Variants in TRAPPC8 observed in about 807,000 individuals in gnomAD.
TRAPPC8 encodes trafficking protein particle complex subunit 8.
In TRAPPC8, 54 loss-of-function variants were observed where a neutral mutation model predicts 174.3. The ratio of observed to expected loss-of-function variants is 0.31; its 90% CI spans 0.25 to 0.39. The LOEUF is 0.39. Ranked by LOEUF, TRAPPC8 falls within the 10% of genes least tolerant of loss-of-function variation. The probability of loss-of-function intolerance (pLI) is 1.00; values close to 1 mark genes in which losing one functional copy is unlikely to be tolerated. For missense variants in TRAPPC8, 1,531 were observed against 1,699.1 expected, an observed-to-expected ratio of 0.90 and a Z score of 1.74; for synonymous variants, 630 against 579.9, an observed-to-expected ratio of 1.09 and a Z score of -1.24.
intron 12 of TRAPPC8, among the ~76,000 whole-genome samples, chr18:31,882,458 G>C (rs560969826): frequency 5.9e-5 from 9 of 151,994 alleles, no homozygotes; most frequent in Non-Finnish European, 1.0e-4. Context: ...CAAAAGGGGA[G>C]AAAGAGGAAG....
chr18:31,901,459 TTC>T (rs1181744094), intron 9 of TRAPPC8, among the ~76,000 whole-genome samples: 1 of 152,224 alleles, frequency 6.6e-6, no homozygotes, highest in Non-Finnish European at 1.5e-5. Flanking sequence ...ATTTATATTA[TTC>T]TCTTTCTACT....
chr18:31,873,406 T>G, intron 14 of TRAPPC8, 24 bp downstream of exon 14: 1 of 1,559,246 alleles, frequency 6.4e-7, no homozygotes, highest in Non-Finnish European at 8.8e-7. Context: ...ATTAGGTAAT[T>G]AGGCTAAATA....
intron 12 of TRAPPC8, among the ~76,000 whole-genome samples, chr18:31,880,100 T>A (rs868092646): frequency 0.031 from 2,048 of 66,038 alleles, 91 homozygotes; most frequent in African/African-American, 0.11. Context: ...AATATATATA[T>A]ATATATATAT....
At position 31,886,454 on chromosome 18, in the gene TRAPPC8, C is replaced by T. The variant is rs114245795; in HGVS notation, c.1728+4281G>A. Among the ~76,000 whole-genome samples, 840 of 150,858 alleles carry T rather than the reference C, an allele frequency of 5.6e-3. 5 individuals carry two copies. Among genetic ancestry groups the T allele is most frequent in the African/African-American group, 0.019 (799 of 41,038 alleles). On this transcript the variant is annotated intron_variant, in intron 12 of 28. Coordinates refer to ENST00000283351, the MANE Select transcript of TRAPPC8 (RefSeq NM_014939.5). ...AAGAGTTGAATGTGTCTTGTGTGTTCAAGTGGATTTTCGAATGTGTTCAAG... is the reference window on the plus strand; with the variant it reads ...AAGAGTTGAATGTGTCTTGTGTGTTTAAGTGGATTTTCGAATGTGTTCAAG...
intron 5 of TRAPPC8, among the ~76,000 whole-genome samples, chr18:31,911,822 C>T (rs2145504177): frequency 6.7e-6 from 1 of 148,404 alleles, no homozygotes; most frequent in Non-Finnish European, 1.5e-5. Flanking sequence ...ACCTGTAATC[C>T]CAGCACTTTG....
Position 31,839,454 on chromosome 18 carries a change from G to A in TRAPPC8, c.3841C>T (p.Pro1281Ser), listed in dbSNP as rs1187175507. The A allele has an allele frequency of 1.9e-6, 3 of 1,579,426 alleles. No individual in the cohort carries two copies. Among genetic ancestry groups the A allele is most frequent in the African/African-American group, 2.8e-5 (2 of 72,608 alleles). Residue 1281 changes from proline to serine, a missense_variant, in exon 27 of 29, where the codon CCA becomes TCA. Physicochemically the swap from Pro to Ser is moderately conservative, Grantham distance 74 (BLOSUM62 -1). Coordinates refer to ENST00000283351, the MANE Select transcript of TRAPPC8 (RefSeq NM_014939.5). Reference sequence around the variant, plus strand: ...AATTTCAATAGTTCCATTTCTGGTGGCTCCTGAGAAAAGAAAGAAAAAACA... The same window carrying A: ...AATTTCAATAGTTCCATTTCTGGTGACTCCTGAGAAAAGAAAGAAAAAACA... ...EAFSYPQKQE[P>S]PEMELLKFFR...
At chr18:31,922,323 T>C (rs1598743231) in intron 2 of TRAPPC8, among the ~76,000 whole-genome samples, 1 of 152,236 alleles carries the variant, frequency 6.6e-6, no homozygotes, top group Non-Finnish European at 1.5e-5. Flanking sequence ...CTGGGCGTGG[T>C]GGCTCATGCC....
At chr18:31,854,917 G>T (rs1380915711) in intron 21 of TRAPPC8, among the ~76,000 whole-genome samples, 1 of 127,094 alleles carries the variant, frequency 7.9e-6, no homozygotes, top group Non-Finnish European at 1.6e-5. Context: ...AGTGAGCAGA[G>T]ATCGCGCCAC....
intron 1 of TRAPPC8, among the ~76,000 whole-genome samples, chr18:31,942,211 G>A (rs1220429257): frequency 2.6e-5 from 4 of 152,182 alleles, no homozygotes; most frequent in African/African-American, 7.2e-5. Context: ...GAGGATGACA[G>A]GTCTTCCTTA....
At position 31,909,815 on chromosome 18, in the gene TRAPPC8, T is replaced by A. The variant is rs1263728764; in HGVS notation, c.772-55A>T. 3 of 1,192,432 alleles carry A rather than the reference T, an allele frequency of 2.5e-6. No individual in the cohort carries two copies. In the South Asian group the frequency reaches 4.5e-5, roughly 18 times the overall value. 73.9% of individuals were successfully genotyped at this position (1,192,432 alleles called of 1,614,324 possible). On this transcript the variant is annotated intron_variant, in intron 5 of 28. Transcript: ENST00000283351. ...CAGTTATACTTAATCATACTTAATA[T>A]ACTATCAAATCCATCAACAACTATG...
chr18:31,838,965 C>T (rs776052302), intron 27 of TRAPPC8, among the ~76,000 whole-genome samples: 8 of 152,114 alleles, frequency 5.3e-5, no homozygotes, highest in Non-Finnish European at 1.2e-4. Context: ...TCAATTATTA[C>T]TTAGATTGTT....
At chr18:31,836,097 G>A (rs2032699345) in intron 27 of TRAPPC8, among the ~76,000 whole-genome samples, 2 of 152,136 alleles carry the variant, frequency 1.3e-5, no homozygotes, top group South Asian at 4.1e-4. Context: ...AAGCATTATT[G>A]TGGCAACAAT....
rs376783471 is a variant in TRAPPC8 at position 31,936,902 on chromosome 18, TAA to T, written c.158-5381_158-5380del. On this transcript the variant is annotated intron_variant, in intron 1 of 28. Transcript: ENST00000283351. ...GGGTGACAGAGCAAGACTCCGTCTTTAAAAAAAAAAAAAAAAAAAAAAAAAAG... is the reference window on the plus strand; with the variant it reads ...GGGTGACAGAGCAAGACTCCGTCTTTAAAAAAAAAAAAAAAAAAAAAAAAG... Among the ~76,000 whole-genome samples the T allele has an allele frequency of 4.6e-3, 424 of 92,496 alleles. 5 individuals are homozygous for T. Among genetic ancestry groups the T allele is most frequent in the African/African-American group, 0.019 (403 of 21,188 alleles). 60.7% of individuals were successfully genotyped at this position (92,496 alleles called of 152,430 possible). A position where few individuals can be genotyped will look rare whatever the true frequency, so the allele number is the denominator to read the frequency against.
intron 4 of TRAPPC8, among the ~76,000 whole-genome samples, chr18:31,914,902 A>T (rs2037065950): frequency 6.6e-6 from 1 of 152,246 alleles, no homozygotes; most frequent in African/African-American, 2.4e-5. Flanking sequence ...AGGGAACATT[A>T]AAAAAAGTTT....
Position 31,864,065 on chromosome 18 carries a change from TTATATAA to T in TRAPPC8, c.2745+555_2745+561del, listed in dbSNP as rs1273418307. Among the ~76,000 whole-genome samples, 441 of 148,146 alleles carry T rather than the reference TTATATAA, an allele frequency of 3.0e-3. 3 individuals are homozygous for T. Among genetic ancestry groups the T allele is most frequent in the African/African-American group, 8.9e-3 (363 of 40,886 alleles). ...ATAAAATATATATTTATATTATGTATTATATAATATATATGTTCTATAAAATATTATA... is the reference window on the plus strand; with the variant it reads ...ATAAAATATATATTTATATTATGTATTATATATGTTCTATAAAATATTATA... On this transcript the variant is annotated intron_variant, in intron 19 of 28. Transcript: ENST00000283351.
chr18:31,837,106 C>T (rs758167375), intron 27 of TRAPPC8, among the ~76,000 whole-genome samples: 1 of 152,034 alleles, frequency 6.6e-6, no homozygotes, highest in Non-Finnish European at 1.5e-5. Flanking sequence ...ACCCTGCATA[C>T]ATCTGTATCA....
chr18:31,942,779 C>A lies in TRAPPC8; in HGVS notation c.-15G>T, dbSNP rs2144350238. 2.1e-6 allele frequency: 3 copies of A among 1,411,728 alleles called. No homozygotes were observed. The highest frequency in any genetic ancestry group is 2.9e-5 in the Admixed American group (1 of 34,426). 87.5% of individuals were successfully genotyped at this position (1,411,728 alleles called of 1,614,324 possible). On this transcript the variant is annotated 5_prime_UTR_variant, in exon 1 of 29. Transcript: ENST00000283351. ...CACTGGGCCATCGCCGCAGCACAGG[C>A]AGCGGCGGCGCCCGCCCTCCGGCCC... is the stretch of plus-strand genomic sequence containing the variant.
intron 26 of TRAPPC8, 79 bp downstream of exon 26, chr18:31,846,637 C>G: frequency 8.3e-7 from 1 of 1,207,290 alleles, no homozygotes. Flanking sequence ...TTCAAAAACA[C>G]AAAAGCCAAC....
chr18:31,907,995 T>G (rs2036737074), intron 8 of TRAPPC8, among the ~76,000 whole-genome samples: 1 of 152,222 alleles, frequency 6.6e-6, no homozygotes, highest in Non-Finnish European at 1.5e-5. Flanking sequence ...GTGTCCCTTG[T>G]CTTAGAATCA....
Sources: gnomAD v4.1 joint callset for allele counts (sites outside exome capture counted in the v4.1 genomes callset) on GRCh38, gnomAD v4.1.1 for gene constraint, MANE v1.5 for transcripts, NCBI Gene and HGNC (gene_info 2026-07-23, HGNC 2026-07-21) for gene names.